The following ADAMTSL1 variants were observed in gnomAD, a reference collection of about 807,000 sequenced individuals.
ADAMTSL1 encodes ADAMTS like 1, also known as ADAMTS-like protein 1.
A neutral mutation model predicts 201.8 loss-of-function variants in ADAMTSL1; 126 were observed. That is an observed-to-expected ratio of 0.62 (90% confidence interval 0.54 to 0.72). The LOEUF is 0.72. ADAMTSL1 is among the 30% of genes least tolerant of loss of function. ADAMTSL1 has a pLI of 0.00. For synonymous variants in ADAMTSL1, 1,121 were observed against 903.4 expected, an observed-to-expected ratio of 1.24 and a Z score of -4.32; for missense variants, 2,679 against 2,277.8, an observed-to-expected ratio of 1.18 and a Z score of -3.59.
chr9:18,777,020 T>G lies in ADAMTSL1; in HGVS notation c.2791T>G (p.Tyr931Asp). 5 of 1,607,244 alleles carry G rather than the reference T, an allele frequency of 3.1e-6. 1 individual carries two copies. Among genetic ancestry groups the G allele is most frequent in the Non-Finnish European group, 4.3e-6 (5 of 1,175,520 alleles). ...STHVTVAPFG[Y>D]LKIHRLKPSD... Reference sequence around the variant, plus strand: ...GCACGTCACGGTGGCCCCCTTCGGCTATCTCAAGATCCACCGCCTCAAGCC... The same window carrying G: ...GCACGTCACGGTGGCCCCCTTCGGCGATCTCAAGATCCACCGCCTCAAGCC... Residue 931 changes from tyrosine (Y) to aspartate (D), a missense_variant, in exon 19 of 29, where the codon TAT becomes GAT. Physicochemically the swap from Tyr to Asp is radical, Grantham distance 160. Coordinates refer to ENST00000380548, the MANE Select transcript of ADAMTSL1 (RefSeq NM_001040272.6).
chr9:18,664,043 T>C (rs12352272), intron 9 of ADAMTSL1, among the ~76,000 whole-genome samples: 46,115 of 151,844 alleles, frequency 0.3, 6,989 homozygotes, highest in Middle Eastern at 0.35. Flanking sequence ...CAAAGAAAGA[T>C]AAGTGAGAAA....
chr9:18,708,346 C>T (rs1026771288), intron 14 of ADAMTSL1, among the ~76,000 whole-genome samples: 1 of 152,190 alleles, frequency 6.6e-6, no homozygotes, highest in African/African-American at 2.4e-5. Flanking sequence ...TTTGTTTCCA[C>T]ATCTTCCAGT....
chr9:18,301,636 C>T (rs1026742422), intron 2 of ADAMTSL1, among the ~76,000 whole-genome samples: 2 of 152,128 alleles, frequency 1.3e-5, no homozygotes, highest in African/African-American at 4.8e-5. Flanking sequence ...ACTCTCCTCG[C>T]CTATTTTCGG....
intron 5 of ADAMTSL1, among the ~76,000 whole-genome samples, chr9:18,633,126 C>T (rs955808374): frequency 5.3e-5 from 8 of 152,230 alleles, no homozygotes; most frequent in Non-Finnish European, 1.2e-4. Flanking sequence ...CAGAAGACTG[C>T]TGCTGAGCAT....
Position 18,539,617 on chromosome 9 carries a change from G to A in ADAMTSL1, c.237+6325G>A, listed in dbSNP as rs147965646. ...TTCCTTTCTATGACATCTCATCTTC[G>A]TAAAGCTGGGTTTGCTTTGATAAAA... On this transcript the variant is annotated intron_variant, in intron 3 of 28. Coordinates refer to ENST00000380548, the MANE Select transcript of ADAMTSL1 (RefSeq NM_001040272.6). Among the ~76,000 whole-genome samples, 476 of 152,218 alleles carry A rather than the reference G, an allele frequency of 3.1e-3. 6 individuals are homozygous for A. The highest frequency in any genetic ancestry group is 0.011 in the African/African-American group (453 of 41,516).
At chr9:18,778,214 G>T (rs1821178050) in intron 19 of ADAMTSL1, among the ~76,000 whole-genome samples, 1 of 152,194 alleles carries the variant, frequency 6.6e-6, no homozygotes. Flanking sequence ...TGAACTTTTG[G>T]CAGAAAGACA....
At chr9:18,592,458 T>G (rs966523294) in intron 4 of ADAMTSL1, among the ~76,000 whole-genome samples, 1 of 152,184 alleles carries the variant, frequency 6.6e-6, no homozygotes, top group Non-Finnish European at 1.5e-5. Flanking sequence ...TGGTTGCCAT[T>G]GAGTTATTTT....
At chr9:18,445,133 G>A (rs190318878) in intron 2 of ADAMTSL1, among the ~76,000 whole-genome samples, 5 of 152,232 alleles carry the variant, frequency 3.3e-5, no homozygotes, top group Admixed American at 2.6e-4. Context: ...CCTTGCTGGG[G>A]ATGTTTCCTC....
intron 2 of ADAMTSL1, among the ~76,000 whole-genome samples, chr9:18,528,281 C>T (rs1819221287): frequency 6.6e-6 from 1 of 152,066 alleles, no homozygotes; most frequent in East Asian, 1.9e-4. Flanking sequence ...GTTTGCTGCA[C>T]AGATCAACCC....
chr9:18,446,849 T>C (rs1820211421), intron 2 of ADAMTSL1, among the ~76,000 whole-genome samples: 1 of 152,172 alleles, frequency 6.6e-6, no homozygotes, highest in African/African-American at 2.4e-5. Flanking sequence ...GAAGGTTTGG[T>C]TCCAAAAGTA....
At chr9:18,028,654 G>A (rs903082582) in intron 1 of ADAMTSL1, among the ~76,000 whole-genome samples, 19 of 152,182 alleles carry the variant, frequency 1.2e-4, no homozygotes, top group African/African-American at 4.6e-4. Context: ...TCCTATTTTG[G>A]TTACTGTAGC....
chr9:18,038,519 G>A (rs1821300331), intron 1 of ADAMTSL1, among the ~76,000 whole-genome samples: 1 of 152,152 alleles, frequency 6.6e-6, no homozygotes, highest in South Asian at 2.1e-4. Context: ...TCAAGCTGAT[G>A]GCAATTCGAT....
intron 1 of ADAMTSL1, among the ~76,000 whole-genome samples, chr9:17,915,419 T>A (rs1236355112): frequency 1.3e-5 from 2 of 152,330 alleles, no homozygotes; most frequent in Non-Finnish European, 2.9e-5. Context: ...TGAGTAGTAT[T>A]GCATTGTATA....
chr9:18,869,065 A>T (rs144093112), intron 23 of ADAMTSL1, among the ~76,000 whole-genome samples: 1 of 152,350 alleles, frequency 6.6e-6, no homozygotes, highest in East Asian at 1.9e-4. Flanking sequence ...ATACGCAGAC[A>T]TGCACACAAG....
intron 5 of ADAMTSL1, chr9:18,622,577 C>G: frequency 3.0e-6 from 2 of 660,370 alleles, no homozygotes; most frequent in Non-Finnish European, 5.1e-6. Flanking sequence ...GGAAGCCTGT[C>G]CTTCTGAGGC....
chr9:17,947,852 C>T (rs181911095), intron 1 of ADAMTSL1, among the ~76,000 whole-genome samples: 9 of 152,192 alleles, frequency 5.9e-5, no homozygotes, highest in Admixed American at 3.3e-4. Context: ...TCTACCTGAA[C>T]GAAAAGTCAT....
At chr9:18,606,548 C>A (rs1357587766) in intron 4 of ADAMTSL1, among the ~76,000 whole-genome samples, 1 of 152,104 alleles carries the variant, frequency 6.6e-6, no homozygotes, top group Non-Finnish European at 1.5e-5. Flanking sequence ...GCTTGAAAGT[C>A]CCCTGGTATA....
At chr9:18,204,916 C>T (rs62551344) in intron 2 of ADAMTSL1, among the ~76,000 whole-genome samples, 3 of 152,088 alleles carry the variant, frequency 2.0e-5, no homozygotes, top group Admixed American at 6.6e-5. Flanking sequence ...TTATGGCATT[C>T]GTAGGGAGTA....
At chr9:18,066,543 C>G (rs2131718789) in intron 1 of ADAMTSL1, among the ~76,000 whole-genome samples, 1 of 152,302 alleles carries the variant, frequency 6.6e-6, no homozygotes, top group African/African-American at 2.4e-5. Flanking sequence ...TAGCTCTTTA[C>G]TAAAATATTG....
Sources: allele counts gnomAD v4.1 joint callset (sites outside exome capture counted in the v4.1 genomes callset), GRCh38; gene constraint gnomAD v4.1.1; transcripts MANE v1.5; gene names NCBI Gene and HGNC (gene_info 2026-07-23, HGNC 2026-07-21).